Variants in SLMAP observed in about 807,000 individuals in gnomAD.
SLMAP encodes sarcolemma associated protein, also known as sarcolemmal membrane-associated protein.
Under a neutral mutation model 128.8 loss-of-function variants are expected in SLMAP, and 44 were observed. The ratio of observed to expected loss-of-function variants is 0.34; its 90% CI spans 0.27 to 0.44. The LOEUF (loss-of-function observed/expected upper bound fraction) is 0.44. SLMAP is among the 20% of genes least tolerant of loss of function. The pLI is 1.00. For synonymous variants in SLMAP, 327 were observed against 348.8 expected, an observed-to-expected ratio of 0.94 and a Z score of 0.70; for missense variants, 787 against 985.3, an observed-to-expected ratio of 0.80 and a Z score of 2.69.
intron 17 of SLMAP, chr3:57,899,451 C>T (rs2096316701): frequency 6.6e-6 from 1 of 152,214 alleles, no homozygotes; most frequent in Admixed American, 6.5e-5. Context: ...TAAAACTTTT[C>T]TTTACATTTC....
intron 13 of SLMAP, among the ~76,000 whole-genome samples, chr3:57,868,847 T>A (rs905773647): frequency 4.0e-4 from 55 of 138,348 alleles, no homozygotes; most frequent in Non-Finnish European, 6.4e-4. Flanking sequence ...GTATTATATA[T>A]AAAAATATAT....
At chr3:57,872,231 G>A (rs2095497119) in intron 14 of SLMAP, among the ~76,000 whole-genome samples, 1 of 152,176 alleles carries the variant, frequency 6.6e-6, no homozygotes, top group African/African-American at 2.4e-5. Flanking sequence ...GAACCTGGTA[G>A]GCAGATGTTG....
At chr3:57,785,045 A>T (rs1308118648) in intron 2 of SLMAP, among the ~76,000 whole-genome samples, 1 of 152,188 alleles carries the variant, frequency 6.6e-6, no homozygotes, top group Non-Finnish European at 1.5e-5. Context: ...ATATATAGTT[A>T]TAAAGTATTC....
At chr3:57,906,674 A>AATATAT (rs71091317) in intron 17 of SLMAP, among the ~76,000 whole-genome samples, 6 of 67,456 alleles carry the variant, frequency 8.9e-5, no homozygotes, top group African/African-American at 2.1e-4. Flanking sequence ...ATGAAAAAAA[A>AATATAT]ATATATATAT....
At chr3:57,797,563 G>T (rs2087079838) in intron 2 of SLMAP, among the ~76,000 whole-genome samples, 1 of 151,408 alleles carries the variant, frequency 6.6e-6, no homozygotes, top group Admixed American at 6.6e-5. Flanking sequence ...TTAAACTGTT[G>T]ATGTGGTTAT....
intron 2 of SLMAP, among the ~76,000 whole-genome samples, chr3:57,824,055 A>T (rs1188788672): frequency 6.6e-6 from 1 of 152,238 alleles, no homozygotes; most frequent in Non-Finnish European, 1.5e-5. Context: ...GAAGGAAATC[A>T]TGGTCAAAGA....
intron 2 of SLMAP, among the ~76,000 whole-genome samples, chr3:57,814,731 T>G (rs569463787): frequency 3.3e-5 from 5 of 152,096 alleles, no homozygotes; most frequent in Non-Finnish European, 7.4e-5. Flanking sequence ...CCCAGGACTT[T>G]GGGAGGCTGA....
intron 10 of SLMAP, among the ~76,000 whole-genome samples, chr3:57,863,635 A>G (rs755340035): frequency 6.6e-6 from 1 of 152,114 alleles, no homozygotes; most frequent in Non-Finnish European, 1.5e-5. Context: ...GGCTCTTTTT[A>G]AAAACCAGCT....
chr3:57,858,054 C>G (rs771378417), intron 7 of SLMAP, 34 bp from the exon 8 acceptor site: 1 of 1,306,714 alleles, frequency 7.7e-7, no homozygotes, highest in African/African-American at 1.5e-5. Context: ...TATAATTACT[C>G]GGGTTTTACT....
intron 16 of SLMAP, 23 bp from the exon 17 acceptor site, chr3:57,896,850 A>T (rs747811578): frequency 6.3e-7 from 1 of 1,582,422 alleles, no homozygotes; most frequent in South Asian, 1.2e-5. Context: ...GTAATTATAT[A>T]TGTATTTTTT....
At chr3:57,922,743 G>A (rs1191969478) in intron 22 of SLMAP, 146 bp from the exon 23 acceptor site, 1 of 725,662 alleles carries the variant, frequency 1.4e-6, no homozygotes, top group African/African-American at 1.8e-5. Context: ...CTTCTTATGA[G>A]TGCAAGTTAT....
chr3:57,829,168 A>T (rs953357391), intron 2 of SLMAP, among the ~76,000 whole-genome samples: 6 of 152,180 alleles, frequency 3.9e-5, no homozygotes, highest in Non-Finnish European at 7.3e-5. Context: ...TGATATACAT[A>T]CATATATATG....
intron 2 of SLMAP, among the ~76,000 whole-genome samples, chr3:57,809,536 G>A (rs936172095): frequency 6.6e-6 from 1 of 152,186 alleles, no homozygotes; most frequent in Non-Finnish European, 1.5e-5. Flanking sequence ...TACAGCCTGG[G>A]CACCACGAAC....
At chr3:57,838,818 T>C (rs950587495) in intron 3 of SLMAP, among the ~76,000 whole-genome samples, 4 of 152,122 alleles carry the variant, frequency 2.6e-5, no homozygotes, top group African/African-American at 9.7e-5. Flanking sequence ...CGCAGGTAGC[T>C]TGGCTTTGTA....
At chr3:57,872,217 G>T (rs1448259181) in intron 14 of SLMAP, among the ~76,000 whole-genome samples, 1 of 152,156 alleles carries the variant, frequency 6.6e-6, no homozygotes, top group Non-Finnish European at 1.5e-5. Context: ...TGGGAGAATC[G>T]CTTGAACCTG....
intron 2 of SLMAP, among the ~76,000 whole-genome samples, chr3:57,797,036 G>A (rs934125870): frequency 9.2e-5 from 14 of 151,536 alleles, no homozygotes; most frequent in African/African-American, 2.9e-4. Context: ...TTTTAAATTA[G>A]TCGAGCATGG....
intron 2 of SLMAP, among the ~76,000 whole-genome samples, chr3:57,776,501 G>T (rs1390701866): frequency 2.3e-5 from 3 of 127,774 alleles, no homozygotes; most frequent in African/African-American, 3.0e-5. Context: ...TCCCTGATTT[G>T]TCCCTTCTCT....
At chr3:57,890,321 G>T (rs2096027874) in intron 15 of SLMAP, 2 of 424,454 alleles carry the variant, frequency 4.7e-6, no homozygotes, top group East Asian at 3.5e-5. Flanking sequence ...GTATATTTAT[G>T]GTTTTTTGAA....
intron 5 of SLMAP, among the ~76,000 whole-genome samples, chr3:57,848,775 T>C (rs1397332941): frequency 7.4e-6 from 1 of 134,344 alleles, no homozygotes; most frequent in African/African-American, 2.7e-5. Flanking sequence ...AATGGTGCAA[T>C]CTCAGTTTAC....
Sources: gnomAD v4.1 joint callset for allele counts (sites outside exome capture counted in the v4.1 genomes callset) on GRCh38, gnomAD v4.1.1 for gene constraint, MANE v1.5 for transcripts, NCBI Gene and HGNC (gene_info 2026-07-23, HGNC 2026-07-21) for gene names.